NBAS: variants seen among roughly 807,000 people sequenced by gnomAD.
NBAS encodes NAG/BC035112 fusion.
Under a neutral mutation model 302.5 loss-of-function variants are expected in NBAS, and 219 were observed. The ratio of observed to expected loss-of-function variants is 0.72; its 90% CI spans 0.65 to 0.81. The LOEUF is 0.81. Among genes scored for constraint, NBAS ranks in the 30% least tolerant of loss-of-function variants. The probability of loss-of-function intolerance (pLI) is 0.00; values close to 1 mark genes in which losing one functional copy is unlikely to be tolerated. For synonymous variants in NBAS, 1,118 were observed against 1,021.6 expected (o/e 1.09, Z -1.80); for missense variants, 2,932 against 2,841.6 (o/e 1.03, Z -0.72).
intron 48 of NBAS, among the ~76,000 whole-genome samples, chr2:15,201,854 A>T (rs1665891805): frequency 6.6e-6 from 1 of 152,244 alleles, no homozygotes; most frequent in Non-Finnish European, 1.5e-5. Flanking sequence ...TTGCTGAGAC[A>T]GTCTGAAGGT....
the NBAS span, among the ~76,000 whole-genome samples, chr2:14,886,992 C>A: frequency 6.6e-6 from 1 of 152,146 alleles, no homozygotes; most frequent in Non-Finnish European, 1.5e-5. Context: ...ATAAACATGA[C>A]CCCACTGGAA....
the NBAS span, among the ~76,000 whole-genome samples, chr2:15,101,936 G>A: frequency 6.6e-6 from 1 of 152,162 alleles, no homozygotes; most frequent in Admixed American, 6.5e-5. Context: ...GCGCTCTCAG[G>A]GGATGCCTCT....
the NBAS span, among the ~76,000 whole-genome samples, chr2:15,143,804 T>A: frequency 2.0e-5 from 3 of 151,928 alleles, no homozygotes; most frequent in Non-Finnish European, 4.4e-5. Flanking sequence ...CACCATCTAA[T>A]CAGCTGCCAG....
the NBAS span, among the ~76,000 whole-genome samples, chr2:15,144,794 C>T: frequency 2.0e-5 from 3 of 152,104 alleles, no homozygotes; most frequent in East Asian, 3.8e-4. Context: ...CAGGTGGTTG[C>T]GTTGGTTTAT....
the NBAS span, among the ~76,000 whole-genome samples, chr2:14,912,381 A>C: frequency 6.6e-6 from 1 of 152,312 alleles, no homozygotes; most frequent in Non-Finnish European, 1.5e-5. Flanking sequence ...TAATTATAGA[A>C]AAGCCTAACT....
At chr2:15,447,777 A>G (rs931646503) in intron 21 of NBAS, among the ~76,000 whole-genome samples, 1 of 152,200 alleles carries the variant, frequency 6.6e-6, no homozygotes, top group African/African-American at 2.4e-5. Context: ...GTTATCAAGA[A>G]GAAATACTCC....
the NBAS span, among the ~76,000 whole-genome samples, chr2:15,152,610 C>T: frequency 6.6e-6 from 1 of 152,222 alleles, no homozygotes; most frequent in Admixed American, 6.5e-5. Flanking sequence ...GTCGGCATCC[C>T]ACTTCCTTTT....
At chr2:14,881,011 T>C in the NBAS span, among the ~76,000 whole-genome samples, 2 of 150,972 alleles carry the variant, frequency 1.3e-5, no homozygotes, top group East Asian at 1.9e-4. Flanking sequence ...ACAGAAAGCA[T>C]GAGTGAAAAA....
chr2:15,555,247 A>G (rs1360852892), intron 3 of NBAS, among the ~76,000 whole-genome samples: 3 of 150,644 alleles, frequency 2.0e-5, no homozygotes, highest in African/African-American at 7.4e-5. Flanking sequence ...GACCAACACA[A>G]TAAGACCCTC....
At chr2:15,460,166 T>G (rs1679445216) in intron 21 of NBAS, among the ~76,000 whole-genome samples, 1 of 152,182 alleles carries the variant, frequency 6.6e-6, no homozygotes, top group South Asian at 2.1e-4. Flanking sequence ...AAGTTTCCAG[T>G]AGCTGAAATT....
chr2:15,278,556 C>T (rs1669689909), intron 42 of NBAS, among the ~76,000 whole-genome samples: 1 of 152,060 alleles, frequency 6.6e-6, no homozygotes, highest in Non-Finnish European at 1.5e-5. Context: ...AGGAAACATT[C>T]AATATATGTA....
the NBAS span, among the ~76,000 whole-genome samples, chr2:14,943,468 G>T: frequency 6.6e-6 from 1 of 152,274 alleles, no homozygotes; most frequent in African/African-American, 2.4e-5. Context: ...CTACCTAATT[G>T]CATTGCAGTG....
chr2:14,815,540 T>C, the NBAS span, among the ~76,000 whole-genome samples: 430 of 152,264 alleles, frequency 2.8e-3, 1 homozygote, highest in Non-Finnish European at 4.2e-3. Context: ...AATAGAGAAG[T>C]CACTCAATAC....
chr2:14,826,986 T>C, the NBAS span, among the ~76,000 whole-genome samples: 1 of 152,186 alleles, frequency 6.6e-6, no homozygotes, highest in Non-Finnish European at 1.5e-5. Flanking sequence ...ACTACCCTCA[T>C]TTTCTATAGG....
chr2:15,268,700 AG>A (rs1390817254), intron 44 of NBAS, among the ~76,000 whole-genome samples: 1 of 152,176 alleles, frequency 6.6e-6, no homozygotes, highest in Non-Finnish European at 1.5e-5. Context: ...GATTGAGTGC[AG>A]GGAGTAGTAT....
downstream of NBAS, chr2:15,166,856 A>G (rs1238667690): frequency 1.7e-6 from 1 of 602,378 alleles, no homozygotes. Context: ...CAATAAGAAA[A>G]TATGTTCACC....
At chr2:14,915,216 G>A in the NBAS span, among the ~76,000 whole-genome samples, 1 of 152,168 alleles carries the variant, frequency 6.6e-6, no homozygotes, top group Non-Finnish European at 1.5e-5. Context: ...AAGGTTGCTG[G>A]TGAAAGATAT....
At chr2:14,834,584 C>T in the NBAS span, among the ~76,000 whole-genome samples, 4 of 152,060 alleles carry the variant, frequency 2.6e-5, no homozygotes, top group Admixed American at 2.6e-4. Flanking sequence ...AGGTGCTATT[C>T]AGAACAACTT....
chr2:15,339,798 T>A (rs879438468), intron 35 of NBAS, among the ~76,000 whole-genome samples: 2 of 151,804 alleles, frequency 1.3e-5, no homozygotes, highest in Non-Finnish European at 2.9e-5. Flanking sequence ...AGCAGACACC[T>A]GATGGAAGTG....
Sources: allele counts gnomAD v4.1 joint callset (sites outside exome capture counted in the v4.1 genomes callset), GRCh38; gene constraint gnomAD v4.1.1; transcripts MANE v1.5; gene names NCBI Gene and HGNC (gene_info 2026-07-23, HGNC 2026-07-21).